The following CCKAR variants were observed in gnomAD, a reference collection of about 807,000 sequenced individuals.
The protein encoded by CCKAR is cholecystokinin A receptor.
Under a neutral mutation model 29.8 loss-of-function variants are expected in CCKAR, and 21 were observed. The ratio of observed to expected loss-of-function variants is 0.70; its 90% confidence interval spans 0.50 to 1.01. The LOEUF is 1.01. Ranked by LOEUF, CCKAR falls within the 50% of genes least tolerant of loss-of-function variation. The pLI is 0.00. For missense variants in CCKAR, 570 were observed against 560.6 expected (o/e 1.02, Z -0.17); for synonymous variants, 238 against 221.3 (o/e 1.08, Z -0.67).
At chr4:26,484,009 G>A (rs565506941) in intron 3 of CCKAR, among the ~76,000 whole-genome samples, 45 of 152,294 alleles carry the variant, frequency 3.0e-4, no homozygotes, top group African/African-American at 4.6e-4. Context: ...TTACGTGGGC[G>A]TCCATTCTCC....
chr4:26,482,593 T>C lies in CCKAR; in HGVS notation c.755-423A>G, dbSNP rs951783943. Reference sequence around the variant, plus strand: ...TAGAGAGACTCAGTTATCTGTGTAGTAGACAGCTGAGTTAGGGCATGGAGT... The same window carrying C: ...TAGAGAGACTCAGTTATCTGTGTAGCAGACAGCTGAGTTAGGGCATGGAGT... On this transcript the variant is annotated intron_variant, in intron 4 of 4. Transcript: ENST00000295589. Among the ~76,000 whole-genome samples, 5 of 152,128 alleles carry C rather than the reference T, an allele frequency of 3.3e-5. No homozygotes were observed. The South Asian group carries it at 6.2e-4, about 19-fold the overall frequency.
rs746758025 is a variant in CCKAR at position 26,485,686 on chromosome 4, C to T, written c.577G>A (p.Ala193Thr). ...VPFTKNNNQT[A>T]NMCRFLLPND... ...GGCAGTAGAAAGCGGCACATATTCG[C>T]GGTCTGGTTGTTATTTTTGGTAAAA... Residue 193 changes from alanine (A) to threonine (T), a missense_variant, in exon 3 of 5, where the codon GCG becomes ACG. By Grantham distance (58) the Ala-to-Thr change is moderately conservative. Transcript: ENST00000295589. The T allele has an allele frequency of 1.6e-5, 26 of 1,613,994 alleles. No individual in the cohort carries two copies. The highest frequency in any genetic ancestry group is 3.3e-5 in the Admixed American group (2 of 59,996).
chr4:26,488,617 C>A (rs1376235199), intron 2 of CCKAR, among the ~76,000 whole-genome samples: 2 of 152,190 alleles, frequency 1.3e-5, no homozygotes, highest in African/African-American at 4.8e-5. Flanking sequence ...CCCCCAGGAG[C>A]AAATTCAACT....
chr4:26,486,584 C>T (rs1222224946), intron 2 of CCKAR, among the ~76,000 whole-genome samples: 1 of 152,156 alleles, frequency 6.6e-6, no homozygotes, highest in Non-Finnish European at 1.5e-5. Flanking sequence ...ATCACCATTA[C>T]AGTGAGGAAG....
At chr4:26,488,944 C>T (rs1737498908) in intron 2 of CCKAR, among the ~76,000 whole-genome samples, 1 of 152,184 alleles carries the variant, frequency 6.6e-6, no homozygotes, top group Non-Finnish European at 1.5e-5. Flanking sequence ...TCCCTCTTCC[C>T]TTCAAATAGA....
In CCKAR at chr4:26,481,709, CT is replaced by C; in HGVS notation, c.1215del (p.Gly406AlafsTer16). 6.2e-7 allele frequency: 1 copy of C among 1,614,230 alleles called. No homozygotes were observed. The highest frequency in any genetic ancestry group is 8.5e-7 in the Non-Finnish European group (1 of 1,180,044). ...GACAGAGAGGCTCCTGTGGTCCCGC[CT>C]TCCTCCTCCTCCCCCACCTCTCCCC... ...GARGEVGEEE[E>X]GGTTGASLSR... On this transcript the variant is annotated frameshift_variant, in exon 5 of 5. Transcript: ENST00000295589. LOFTEE classifies it high-confidence loss of function.
chr4:26,490,334 T>C lies in CCKAR; in HGVS notation c.-67A>G. 2 of 1,077,156 alleles carry C rather than the reference T, an allele frequency of 1.9e-6. No individual in the cohort carries two copies. The highest frequency in any genetic ancestry group is 1.4e-6 in the Non-Finnish European group (1 of 699,156). The allele number at this position is 1,077,156 out of a possible 1,614,324, so 66.7% of individuals were successfully genotyped here. On this transcript the variant is annotated 5_prime_UTR_variant, in exon 1 of 5. Transcript: ENST00000295589. ...ATTGCTCACTCCCGGCTCATTCCTC[T>C]AATGACCGAAGCGTCTCGCAGATGC...
chr4:26,484,881 T>TTTTTTTTTTTTTTG (rs1553886447), intron 3 of CCKAR, among the ~76,000 whole-genome samples: 4 of 150,346 alleles, frequency 2.7e-5, no homozygotes, highest in African/African-American at 7.5e-5. Context: ...ATCTCTATTT[T>TTTTTTTTTTTTTTG]AAAGTAAAGA....
Position 26,490,310 on chromosome 4 carries a change from T to A in CCKAR, c.-43A>T. 2 of 1,302,804 alleles carry A rather than the reference T, an allele frequency of 1.5e-6. No homozygotes were observed. The highest frequency in any genetic ancestry group is 2.2e-6 in the Non-Finnish European group (2 of 898,222). 80.7% of individuals were successfully genotyped at this position (1,302,804 alleles called of 1,614,324 possible). A position where few individuals can be genotyped will look rare whatever the true frequency, so the allele number is the denominator to read the frequency against. Reference sequence around the variant, plus strand: ...CACCAAGTGCTGGAGAGCTGGTGAATTGCTCACTCCCGGCTCATTCCTCTA... The same window carrying A: ...CACCAAGTGCTGGAGAGCTGGTGAAATGCTCACTCCCGGCTCATTCCTCTA... On this transcript the variant is annotated 5_prime_UTR_variant, in exon 1 of 5. Coordinates refer to ENST00000295589, the MANE Select transcript of CCKAR (RefSeq NM_000730.3).
rs1420504458 is a variant in CCKAR at position 26,482,160 on chromosome 4, A to G, written c.765T>C (p.Pro255=). ...SQKKSAKERK[P]STTSSGKYED... is the part of the protein sequence containing the mutation. ...CATATTTGCCGCTGCTGGTGGTGCTAGGTTTCCTTTCTGGGTGGGCAAGAG... is the reference window on the plus strand; with the variant it reads ...CATATTTGCCGCTGCTGGTGGTGCTGGGTTTCCTTTCTGGGTGGGCAAGAG... The change falls in exon 5 of 5, where the codon CCT becomes CCC. Residue 255 remains proline, a synonymous_variant. Transcript: ENST00000295589. 1 of 1,608,542 alleles carries G rather than the reference A, an allele frequency of 6.2e-7. No homozygotes were observed. The highest frequency in any genetic ancestry group is 8.5e-7 in the Non-Finnish European group (1 of 1,176,260).
In CCKAR at chr4:26,481,759, G is replaced by C. The variant is rs1331485005; in HGVS notation, c.1166C>G (p.Pro389Arg). Residue 389 changes from proline (P) to arginine (R), a missense_variant, in exon 5 of 5, where the codon CCC (proline) becomes CGC (arginine). Pro to Arg is a moderately radical substitution (Grantham distance 103). Transcript: ENST00000295589. ...CCTCGCCCCTGGGGGACCAGGATTGGGGCAGCAGGGGAAGGTGGCCATGAA... is the reference window on the plus strand; with the variant it reads ...CCTCGCCCCTGGGGGACCAGGATTGCGGCAGCAGGGGAAGGTGGCCATGAA... ...LGFMATFPCC[P>R]NPGPPGARGE... is the part of the protein sequence containing the mutation. 1 of 1,614,038 alleles carries C rather than the reference G, an allele frequency of 6.2e-7. No homozygotes were observed. The highest frequency in any genetic ancestry group is 2.2e-5 in the East Asian group (1 of 44,882).
At chr4:26,487,230 G>T (rs994433808) in intron 2 of CCKAR, among the ~76,000 whole-genome samples, 10 of 152,070 alleles carry the variant, frequency 6.6e-5, no homozygotes, top group African/African-American at 2.4e-4. Context: ...TATTCTTATG[G>T]ATATAAACTA....
Position 26,482,093 on chromosome 4 carries a change from T to C in CCKAR, c.832A>G (p.Arg278Gly). 11 of 1,614,198 alleles carry C rather than the reference T, an allele frequency of 6.8e-6. No homozygotes were observed. Among genetic ancestry groups the C allele is most frequent in the East Asian group, 2.2e-5 (1 of 44,872 alleles). ...GACAGCTGCCGGAGCTCCAGCTTCC[T>C]CGGGGGCCTGGTCTTTTGCAGGTAA... The part of the protein sequence containing the change: ...GCYLQKTRPP[R>G]KLELRQLSTG... The change falls in exon 5 of 5, where the codon AGG becomes GGG. Residue 278 changes from arginine (R) to glycine (G), a missense_variant. Coordinates refer to ENST00000295589, the MANE Select transcript of CCKAR (RefSeq NM_000730.3).
In CCKAR at chr4:26,485,795, G is replaced by A. The variant is rs780833739; in HGVS notation, c.468C>T (p.Ser156=). 3 of 1,614,056 alleles carry A rather than the reference G, an allele frequency of 1.9e-6. No individual in the cohort carries two copies. The Admixed American group carries it at 5.0e-5, about 27-fold the overall frequency. Residue 156 remains serine (S), a synonymous_variant, in exon 3 of 5, where the codon TCC becomes TCT. Coordinates refer to ENST00000295589, the MANE Select transcript of CCKAR (RefSeq NM_000730.3). ...PLQSRVWQTK[S]HALKVIAATW... ...TAGCAGCAATCACCTTCAAAGCATG[G>A]GATTTTGTCTGCCAGACCCGGGACT...
rs1228492634 is a variant in CCKAR at position 26,481,659 on chromosome 4, A to C, written c.1266T>G (p.Ser422Arg). 6.2e-7 allele frequency: 1 copy of C among 1,613,938 alleles called. No individual in the cohort carries two copies. Reference protein sequence around the residue: ...SLSRFSYSHMSASVPPQ With the variant: ...SLSRFSYSHMRASVPPQ ...CATCTCACTGGGGTGGCACCGAGGC[A>C]CTCATATGGCTGTACGAGAACCTGG... Residue 422 changes from serine (S) to arginine (R), a missense_variant, in exon 5 of 5, where the codon AGT becomes AGG. Ser to Arg is a moderately radical substitution (Grantham distance 110, BLOSUM62 -1). Coordinates refer to ENST00000295589, the MANE Select transcript of CCKAR (RefSeq NM_000730.3).
chr4:26,484,552 A>G (rs1275104330), intron 3 of CCKAR, among the ~76,000 whole-genome samples: 1 of 152,296 alleles, frequency 6.6e-6, no homozygotes, highest in Admixed American at 6.5e-5. Context: ...TTAACTCCTT[A>G]TAGAGATAAG....
Position 26,481,876 on chromosome 4 carries a change from G to T in CCKAR, c.1049C>A (p.Thr350Asn), listed in dbSNP as rs1389189403. The T allele has an allele frequency of 6.8e-6, 11 of 1,614,188 alleles. No homozygotes were observed. Among genetic ancestry groups the T allele is most frequent in the South Asian group, 4.4e-5 (4 of 91,082 alleles). ...TASAERRLSGTPISFILLLSY... is the reference protein window; with the variant it reads ...TASAERRLSGNPISFILLLSY... ...CAGGAGGAGGATGAAGGAAATGGGGGTTCCTGAGAGGCGGCGCTCTGCGGA... is the reference window on the plus strand; with the variant it reads ...CAGGAGGAGGATGAAGGAAATGGGGTTTCCTGAGAGGCGGCGCTCTGCGGA... Residue 350 changes from threonine to asparagine, a missense_variant, in exon 5 of 5, where the codon ACC (threonine) becomes AAC (asparagine). By Grantham distance (65) the Thr-to-Asn change is moderately conservative. Transcript: ENST00000295589.
intron 3 of CCKAR, among the ~76,000 whole-genome samples, chr4:26,485,341 C>T (rs921429135): frequency 6.6e-6 from 1 of 152,158 alleles, no homozygotes; most frequent in Non-Finnish European, 1.5e-5. Context: ...AATTGGGAAA[C>T]TTAACCTTTC....
intron 3 of CCKAR, among the ~76,000 whole-genome samples, chr4:26,484,859 T>G (rs1377611564): frequency 8.4e-6 from 1 of 119,720 alleles, no homozygotes; most frequent in East Asian, 3.4e-4. Context: ...CTAGGCAATA[T>G]AGTGAGACCC....
Sources: allele counts gnomAD v4.1 joint callset (sites outside exome capture counted in the v4.1 genomes callset), GRCh38; gene constraint gnomAD v4.1.1; transcripts MANE v1.5; gene names NCBI Gene and HGNC (gene_info 2026-07-23, HGNC 2026-07-21).